Variants in TIMELESS observed in about 807,000 individuals in gnomAD.
The protein encoded by TIMELESS is protein timeless homolog.
A neutral mutation model predicts 164.3 loss-of-function variants in TIMELESS; 124 were observed. The ratio of observed to expected loss-of-function variants is 0.75; its 90% CI spans 0.65 to 0.88. The LOEUF (loss-of-function observed/expected upper bound fraction) is 0.88. Ranked by LOEUF, TIMELESS falls within the 40% of genes least tolerant of loss-of-function variation. TIMELESS has a pLI of 0.00. For missense variants in TIMELESS, 1,422 were observed against 1,491.4 expected (o/e 0.95, Z 0.77); for synonymous variants, 564 against 563.4 (o/e 1.00, Z -0.02).
At chr12:56,428,144 T>C (rs569681204) in intron 13 of TIMELESS, 92 bp downstream of exon 13, 8 of 1,298,068 alleles carry the variant, frequency 6.2e-6, no homozygotes, top group African/African-American at 5.9e-5. Context: ...GTTTAACAGA[T>C]GAACTTAAGC....
chr12:56,447,357 C>T (rs1404983570), intron 1 of TIMELESS, among the ~76,000 whole-genome samples: 1 of 152,084 alleles, frequency 6.6e-6, no homozygotes, highest in Non-Finnish European at 1.5e-5. Flanking sequence ...AAAACGTAAA[C>T]TCTTTCACAT....
chr12:56,419,459 A>AGTGTGTGT (rs10664617), intron 26 of TIMELESS, among the ~76,000 whole-genome samples: 55,822 of 147,766 alleles, frequency 0.38, 11,180 homozygotes, highest in Non-Finnish European at 0.47. Context: ...AGACAGATGG[A>AGTGTGTGT]GTGTGTGTGT....
intron 1 of TIMELESS, among the ~76,000 whole-genome samples, chr12:56,438,887 G>A (rs1168533879): frequency 1.3e-5 from 2 of 151,586 alleles, no homozygotes; most frequent in Non-Finnish European, 2.9e-5. Flanking sequence ...AACACAGCCG[G>A]GTGCAGTGGC....
Position 56,431,509 on chromosome 12 carries a change from C to T in TIMELESS, c.783G>A (p.Met261Ile), listed in dbSNP as rs201292987. The T allele has an allele frequency of 6.2e-7, 1 of 1,613,436 alleles. No individual in the cohort carries two copies. Among genetic ancestry groups the T allele is most frequent in the East Asian group, 2.2e-5 (1 of 44,790 alleles). ...AELEVLRQREMAEKKTRALQR... is the reference protein window; with the variant it reads ...AELEVLRQREIAEKKTRALQR... ...GGAGGGCTCGAGTCTTCTTTTCTGC[C>T]ATCTCTCGCTGGCGCAACACCTCCA... The change falls in exon 8 of 29, where the codon ATG (methionine) becomes ATA (isoleucine). Residue 261 changes from methionine to isoleucine, a missense_variant. Transcript: ENST00000553532.
chr12:56,428,098 C>A, intron 13 of TIMELESS, 138 bp downstream of exon 13: 1 of 691,728 alleles, frequency 1.4e-6, no homozygotes, highest in Non-Finnish European at 2.2e-6. Flanking sequence ...CACTGGCCAA[C>A]ACCCACAAAC....
chr12:56,447,476 AT>A (rs1240842809), intron 1 of TIMELESS, among the ~76,000 whole-genome samples: 1 of 152,166 alleles, frequency 6.6e-6, no homozygotes, highest in African/African-American at 2.4e-5. Context: ...GGAGCTAAAG[AT>A]TTGGAGGCAT....
rs1259386761 is a variant in TIMELESS, at chr12:56,421,481, T to C, written c.2738A>G (p.His913Arg). The stretch of plus-strand genomic sequence containing the variant: ...TTTGGCTGTGATATTCTTCATGATA[T>C]GACCCAGGACATCTATAAAAAGCAA... The part of the protein sequence containing the change: ...EFRDSDDVLG[H>R]IMKNITAKRS... The change falls in exon 23 of 29, where the codon CAT (histidine) becomes CGT (arginine). Residue 913 changes from histidine (H) to arginine (R), a missense_variant. Transcript: ENST00000553532. The C allele has an allele frequency of 1.2e-6, 2 of 1,613,408 alleles. No homozygotes were observed. The highest frequency in any genetic ancestry group is 1.7e-5 in the Admixed American group (1 of 59,870).
rs866109163 is a variant in TIMELESS at position 56,423,788 on chromosome 12, G to A, written c.1966+9C>T. On this transcript the variant is annotated intron_variant, in intron 16 of 28. Transcript: ENST00000553532. ...TGGAAGGAGACAGATGTGAAGGGTG[G>A]AGACTCACGGGGAAGTGGAGCAGAG... 3 of 1,614,042 alleles carry A rather than the reference G, an allele frequency of 1.9e-6. No individual in the cohort carries two copies. Among genetic ancestry groups the A allele is most frequent in the Middle Eastern group, 1.6e-4 (1 of 6,084 alleles).
chr12:56,417,967 T>G lies in TIMELESS; in HGVS notation c.3496A>C (p.Lys1166Gln), dbSNP rs1881322199. ...TCGCTGTCCAGCAATTGTCGTTTCTTGGGTGCTGCCTTCAGCGGCTCTTTA... is the reference window on the plus strand; with the variant it reads ...TCGCTGTCCAGCAATTGTCGTTTCTGGGGTGCTGCCTTCAGCGGCTCTTTA... ...VGKEPLKAAP[K>Q]KRQLLDSDEE... Residue 1166 changes from lysine (K) to glutamine (Q), a missense_variant, in exon 28 of 29, where the codon AAG becomes CAG. Coordinates refer to ENST00000553532, the MANE Select transcript of TIMELESS (RefSeq NM_003920.5). 6.2e-7 allele frequency: 1 copy of G among 1,614,228 alleles called. No individual in the cohort carries two copies. The highest frequency in any genetic ancestry group is 8.5e-7 in the Non-Finnish European group (1 of 1,180,040).
chr12:56,440,132 CCT>C, intron 1 of TIMELESS, among the ~76,000 whole-genome samples: 1 of 125,192 alleles, frequency 8.0e-6, no homozygotes, highest in Admixed American at 9.9e-5. Context: ...TTCAAATTAA[CCT>C]TTTTTTTTTT....
intron 1 of TIMELESS, among the ~76,000 whole-genome samples, chr12:56,446,227 T>C (rs2136157470): frequency 6.6e-6 from 1 of 152,260 alleles, no homozygotes; most frequent in Non-Finnish European, 1.5e-5. Flanking sequence ...AGCCTCAATA[T>C]GGTTACCTGA....
chr12:56,436,001 A>G (rs1440510790), intron 1 of TIMELESS, among the ~76,000 whole-genome samples: 1 of 151,834 alleles, frequency 6.6e-6, no homozygotes, highest in Non-Finnish European at 1.5e-5. Context: ...AACACTCCGA[A>G]AAAGTATACA....
At chr12:56,418,401 T>C in intron 26 of TIMELESS, 42 bp from the exon 27 acceptor site, 1 of 1,449,504 alleles carries the variant, frequency 6.9e-7, no homozygotes, top group Non-Finnish European at 9.5e-7. Flanking sequence ...GACCAGCTTT[T>C]TGTTTCCCAG....
At position 56,429,013 on chromosome 12, in the gene TIMELESS, C is replaced by G. The variant is rs1261435388; in HGVS notation, c.1174G>C (p.Ala392Pro). Residue 392 changes from alanine (A) to proline (P), a missense_variant, in exon 11 of 29, where the codon GCC (alanine) becomes CCC (proline). By Grantham distance (27) the Ala-to-Pro change is conservative (BLOSUM62 -1). Transcript: ENST00000553532. ...GAAACCAGGCCTGGCCGGAAGGAGG[C>G]AGCTCGGTTGAAGGCCATGAAGAAA... ...LAFFMAFNRA[A>P]SFRPGLVSET... The G allele has an allele frequency of 6.2e-7, 1 of 1,614,128 alleles. No individual in the cohort carries two copies. The highest frequency in any genetic ancestry group is 1.1e-5 in the South Asian group (1 of 91,082).
intron 28 of TIMELESS, 31 bp downstream of exon 28, chr12:56,417,876 A>G (rs1264278721): frequency 2.5e-6 from 4 of 1,613,936 alleles, no homozygotes; most frequent in Non-Finnish European, 1.7e-6. Context: ...AGGATTAGAG[A>G]AGAAAAAGAA....
intron 13 of TIMELESS, among the ~76,000 whole-genome samples, chr12:56,425,892 A>T (rs1409332430): frequency 6.6e-6 from 1 of 151,980 alleles, no homozygotes. Flanking sequence ...AAATAAATAA[A>T]TAAATAATTA....
intron 1 of TIMELESS, among the ~76,000 whole-genome samples, chr12:56,439,073 G>A (rs12316810): frequency 0.53 from 79,449 of 149,188 alleles, 21,693 homozygotes; most frequent in African/African-American, 0.61. Flanking sequence ...GGCTGAGGCA[G>A]GAGAATCGCT....
At chr12:56,418,071 C>T in intron 27 of TIMELESS, 63 bp from the exon 28 acceptor site, 2 of 1,613,334 alleles carry the variant, frequency 1.2e-6, no homozygotes, top group Non-Finnish European at 8.5e-7. Context: ...GAACACCTTT[C>T]CTGCCCTCTA....
At chr12:56,438,196 C>G (rs567056157) in intron 1 of TIMELESS, among the ~76,000 whole-genome samples, 10 of 152,148 alleles carry the variant, frequency 6.6e-5, no homozygotes, top group Non-Finnish European at 1.2e-4. Flanking sequence ...CAGGCATGCA[C>G]CACAACACCC....
Sources: allele counts gnomAD v4.1 joint callset (sites outside exome capture counted in the v4.1 genomes callset), GRCh38; gene constraint gnomAD v4.1.1; transcripts MANE v1.5; gene names NCBI Gene and HGNC (gene_info 2026-07-23, HGNC 2026-07-21).